DLGAP2: variants seen among roughly 807,000 people sequenced by gnomAD.
The protein encoded by DLGAP2 is disks large-associated protein 2.
Under a neutral mutation model 100.3 loss-of-function variants are expected in DLGAP2, and 26 were observed. That is an observed-to-expected ratio of 0.26 (90% CI 0.19 to 0.36). DLGAP2 has a LOEUF of 0.36. DLGAP2 is among the 10% of genes least tolerant of loss of function. DLGAP2 has a pLI of 1.00. For synonymous variants in DLGAP2, 886 were observed against 630.1 expected (o/e 1.41, Z -6.08); for missense variants, 1,858 against 1,453.2 (o/e 1.28, Z -4.53).
At chr8:1,024,075 T>G (rs1210052395) in intron 2 of DLGAP2, among the ~76,000 whole-genome samples, 1 of 152,006 alleles carries the variant, frequency 6.6e-6, no homozygotes, top group East Asian at 1.9e-4. Context: ...GACCTCTTCC[T>G]GCAGGACGAG....
intron 2 of DLGAP2, among the ~76,000 whole-genome samples, chr8:1,199,183 T>G (rs1260414840): frequency 6.6e-6 from 1 of 152,178 alleles, no homozygotes; most frequent in East Asian, 1.9e-4. Context: ...TCTGGGGTAT[T>G]GATGAATAGT....
chr8:1,434,194 G>T (rs975872070), intron 3 of DLGAP2, among the ~76,000 whole-genome samples: 1 of 152,142 alleles, frequency 6.6e-6, no homozygotes, highest in South Asian at 2.1e-4. Context: ...TCTCTTTCTG[G>T]GTGGGTTTCA....
chr8:972,928 T>G (rs1006964687), intron 2 of DLGAP2, among the ~76,000 whole-genome samples: 12 of 152,160 alleles, frequency 7.9e-5, no homozygotes, highest in African/African-American at 2.4e-4. Flanking sequence ...GAGACCACCG[T>G]GTTGGGGGTA....
At chr8:1,341,055 G>A (rs1453029825) in intron 3 of DLGAP2, among the ~76,000 whole-genome samples, 1 of 152,104 alleles carries the variant, frequency 6.6e-6, no homozygotes, top group African/African-American at 2.4e-5. Context: ...ACACATAGAG[G>A]GGAACAACAC....
intron 4 of DLGAP2, among the ~76,000 whole-genome samples, chr8:1,535,977 C>T (rs932300115): frequency 6.6e-6 from 1 of 152,322 alleles, no homozygotes; most frequent in South Asian, 2.1e-4. Context: ...CCATCCTCTC[C>T]GAGGCTCACC....
At chr8:1,408,027 C>T (rs1458877385) in intron 3 of DLGAP2, among the ~76,000 whole-genome samples, 2 of 152,356 alleles carry the variant, frequency 1.3e-5, no homozygotes, top group South Asian at 2.1e-4. Flanking sequence ...CACTGGATGC[C>T]AGTCAGGACA....
chr8:1,115,064 G>A (rs758222275), intron 2 of DLGAP2, among the ~76,000 whole-genome samples: 1 of 152,160 alleles, frequency 6.6e-6, no homozygotes, highest in Non-Finnish European at 1.5e-5. Context: ...GATTGTATTT[G>A]GCATGGTTTC....
At chr8:1,082,442 G>GA (rs1368666458) in intron 2 of DLGAP2, among the ~76,000 whole-genome samples, 7 of 152,222 alleles carry the variant, frequency 4.6e-5, no homozygotes, top group African/African-American at 1.7e-4. Context: ...TACTAATGGA[G>GA]AAAATCTTCT....
intron 2 of DLGAP2, among the ~76,000 whole-genome samples, chr8:1,235,279 C>T (rs1440931020): frequency 2.7e-5 from 4 of 149,022 alleles, no homozygotes; most frequent in Admixed American, 6.7e-5. Context: ...TCTCACATGG[C>T]GTCGTGTCTA....
At chr8:993,140 G>A (rs1179929676) in intron 2 of DLGAP2, among the ~76,000 whole-genome samples, 13 of 14,656 alleles carry the variant, frequency 8.9e-4, no homozygotes, top group Non-Finnish European at 5.1e-4. Context: ...CCCCATACTC[G>A]GAGTTCCTGT....
At chr8:1,044,660 G>A (rs913333350) in intron 2 of DLGAP2, among the ~76,000 whole-genome samples, 1 of 152,120 alleles carries the variant, frequency 6.6e-6, no homozygotes, top group South Asian at 2.1e-4. Flanking sequence ...AGATGACTTC[G>A]ATTCCCATTG....
At chr8:1,103,789 G>T (rs113852505) in intron 2 of DLGAP2, among the ~76,000 whole-genome samples, 4 of 148,924 alleles carry the variant, frequency 2.7e-5, no homozygotes, top group Admixed American at 2.7e-4. Flanking sequence ...GATGACTGGC[G>T]GGGCCTTGGT....
chr8:1,615,477 G>A (rs867731345), intron 6 of DLGAP2, among the ~76,000 whole-genome samples: 28 of 152,276 alleles, frequency 1.8e-4, no homozygotes, highest in Middle Eastern at 6.8e-3. Flanking sequence ...AGAAGACCCC[G>A]ATGGTAGAAC....
chr8:1,121,365 C>T (rs1291273270), intron 2 of DLGAP2, among the ~76,000 whole-genome samples: 1 of 151,730 alleles, frequency 6.6e-6, no homozygotes, highest in Non-Finnish European at 1.5e-5. Context: ...GAACCCATGA[C>T]CTGCCATCCT....
chr8:885,342 A>T (rs1797902713), intron 1 of DLGAP2, among the ~76,000 whole-genome samples: 1 of 152,128 alleles, frequency 6.6e-6, no homozygotes, highest in South Asian at 2.1e-4. Context: ...GGTCCTTCAC[A>T]TCCCTTGTTA....
At chr8:1,314,314 T>G (rs62483955) in intron 3 of DLGAP2, among the ~76,000 whole-genome samples, 50,107 of 151,842 alleles carry the variant, frequency 0.33, 10,134 homozygotes, top group African/African-American at 0.57. Context: ...CACCTGGAAT[T>G]CCAACTTCAC....
At chr8:897,186 G>GA (rs1473341263) in intron 1 of DLGAP2, among the ~76,000 whole-genome samples, 1 of 152,168 alleles carries the variant, frequency 6.6e-6, no homozygotes, top group Non-Finnish European at 1.5e-5. Flanking sequence ...TGTAAAACAT[G>GA]ATCGTGGCCT....
intron 2 of DLGAP2, among the ~76,000 whole-genome samples, chr8:1,178,748 C>T (rs552134532): frequency 2.6e-5 from 4 of 152,320 alleles, no homozygotes; most frequent in African/African-American, 7.2e-5. Context: ...GGCTCAGAGA[C>T]AGTCTTACCT....
chr8:1,008,713 A>G (rs1801191692), intron 2 of DLGAP2, among the ~76,000 whole-genome samples: 1 of 152,200 alleles, frequency 6.6e-6, no homozygotes, highest in Non-Finnish European at 1.5e-5. Flanking sequence ...CTACATCGCC[A>G]TGCCAGGGCC....
Sources: allele counts gnomAD v4.1 joint callset (sites outside exome capture counted in the v4.1 genomes callset), GRCh38; gene constraint gnomAD v4.1.1; transcripts MANE v1.5; gene names NCBI Gene and HGNC (gene_info 2026-07-23, HGNC 2026-07-21).